Variants in RBFOX1 observed in about 807,000 individuals in gnomAD.
RBFOX1 encodes RNA binding protein fox-1 homolog 1.
A neutral mutation model predicts 57.7 loss-of-function variants in RBFOX1; 8 were observed. The ratio of observed to expected loss-of-function variants is 0.14; its 90% CI spans 0.08 to 0.25. The LOEUF (loss-of-function observed/expected upper bound fraction) is 0.25. Ranked by LOEUF, RBFOX1 falls within the 10% of genes least tolerant of loss-of-function variation. RBFOX1 has a pLI of 1.00. For synonymous variants in RBFOX1, 326 were observed against 222.4 expected (o/e 1.47, Z -4.15); for missense variants, 611 against 548.5 (o/e 1.11, Z -1.14).
intron 1 of RBFOX1, among the ~76,000 whole-genome samples, chr16:6,313,348 A>G (rs1358206272): frequency 1.3e-5 from 2 of 152,208 alleles, no homozygotes; most frequent in African/African-American, 4.8e-5. Flanking sequence ...TGTAAGGGTC[A>G]CACTCCTTGA....
chr16:5,543,519 G>C (rs371560081), intron 2 of RBFOX1, among the ~76,000 whole-genome samples: 6 of 152,176 alleles, frequency 3.9e-5, no homozygotes, highest in Non-Finnish European at 7.4e-5. Context: ...ATGAGAAAAA[G>C]AGAACAGCAT....
intron 3 of RBFOX1, among the ~76,000 whole-genome samples, chr16:7,036,738 AAAAAAAAG>A (rs772673985): frequency 0.11 from 16,281 of 151,436 alleles, 1,125 homozygotes; most frequent in Non-Finnish European, 0.15. Flanking sequence ...AACAAAGAAA[AAAAAAAAG>A]AAAGAATTCA....
intron 4 of RBFOX1, among the ~76,000 whole-genome samples, chr16:7,131,783 C>T (rs1356260621): frequency 6.6e-6 from 1 of 151,900 alleles, no homozygotes; most frequent in African/African-American, 2.4e-5. Flanking sequence ...GATTTGGGGC[C>T]TGTGAATAGT....
chr16:7,333,179 T>C (rs2144478127), intron 4 of RBFOX1: 2 of 1,256,774 alleles, frequency 1.6e-6, no homozygotes, highest in Non-Finnish European at 2.3e-6. Flanking sequence ...CAAACACTTT[T>C]AATACAGGAA....
intron 4 of RBFOX1, among the ~76,000 whole-genome samples, chr16:7,060,096 C>A (rs1159012): frequency 6.6e-6 from 1 of 152,030 alleles, no homozygotes; most frequent in Non-Finnish European, 1.5e-5. Flanking sequence ...AGAATTGATA[C>A]CATAGAGTTA....
chr16:6,009,816 C>CTGTGTCTGTGTGTG (rs1555469442), intron 4 of RBFOX1, among the ~76,000 whole-genome samples: 3 of 148,418 alleles, frequency 2.0e-5, no homozygotes, highest in African/African-American at 7.5e-5. Context: ...GTGTGTGTGT[C>CTGTGTCTGTGTGTG]TGTGTGTGTG....
chr16:7,115,532 T>C (rs1257776543), intron 4 of RBFOX1, among the ~76,000 whole-genome samples: 1 of 152,162 alleles, frequency 6.6e-6, no homozygotes, highest in Non-Finnish European at 1.5e-5. Flanking sequence ...CAAGGCTCTC[T>C]TTGAGGGGGA....
intron 1 of RBFOX1, among the ~76,000 whole-genome samples, chr16:5,365,136 G>A (rs1214981793): frequency 6.6e-6 from 1 of 152,124 alleles, no homozygotes; most frequent in Admixed American, 6.6e-5. Context: ...GCCTGCTGGT[G>A]GACTCCGGAG....
chr16:6,440,494 C>A (rs756846207), intron 2 of RBFOX1, among the ~76,000 whole-genome samples: 11 of 152,044 alleles, frequency 7.2e-5, no homozygotes, highest in African/African-American at 7.2e-5. Flanking sequence ...GACTATATGA[C>A]AAGGGTAGTA....
At chr16:6,225,902 C>G (rs941474665) in intron 1 of RBFOX1, among the ~76,000 whole-genome samples, 1 of 152,128 alleles carries the variant, frequency 6.6e-6, no homozygotes, top group Non-Finnish European at 1.5e-5. Context: ...AACACTGAAG[C>G]CGTGCTTTTT....
At chr16:7,558,247 G>C (rs1013479138) in intron 5 of RBFOX1, among the ~76,000 whole-genome samples, 1 of 152,050 alleles carries the variant, frequency 6.6e-6, no homozygotes, top group African/African-American at 2.4e-5. Context: ...CTAGGTACTC[G>C]AGAGGCTGAG....
chr16:5,835,202 G>T (rs1312186362), intron 3 of RBFOX1, among the ~76,000 whole-genome samples: 1 of 152,184 alleles, frequency 6.6e-6, no homozygotes, highest in Non-Finnish European at 1.5e-5. Flanking sequence ...GGGCTTCCTA[G>T]AAGTGAGGAC....
At chr16:5,843,730 C>A (rs2056683861) in intron 3 of RBFOX1, among the ~76,000 whole-genome samples, 1 of 152,182 alleles carries the variant, frequency 6.6e-6, no homozygotes, top group African/African-American at 2.4e-5. Flanking sequence ...AAATAACTTG[C>A]TCCAAACTAC....
intron 1 of RBFOX1, among the ~76,000 whole-genome samples, chr16:6,185,350 T>C (rs1301471358): frequency 6.6e-6 from 1 of 152,232 alleles, no homozygotes; most frequent in Non-Finnish European, 1.5e-5. Flanking sequence ...GCTTCCCTCC[T>C]GCCCACCTTC....
chr16:7,439,945 C>CTTTTTTTT (rs1223191346), intron 4 of RBFOX1, among the ~76,000 whole-genome samples: 1 of 113,392 alleles, frequency 8.8e-6, no homozygotes, highest in Non-Finnish European at 1.9e-5. Flanking sequence ...CAAATCTTTT[C>CTTTTTTTT]TTTCTTTTTT....
Position 5,825,741 on chromosome 16 carries a change from T to C in RBFOX1, c.319-41562T>C, listed in dbSNP as rs553197600. On this transcript the variant is annotated intron_variant, in intron 3 of 19. Coordinates refer to the RBFOX1 transcript ENST00000641259. ...CACTCCCTGTTTCCTCCTTCCCTTA[T>C]TATTCCTTAATATGAATAAGGAATA... Among the ~76,000 whole-genome samples, 113 of 146,758 alleles carry C rather than the reference T, an allele frequency of 7.7e-4. 1 individual carries two copies. The highest frequency in any genetic ancestry group is 2.7e-3 in the African/African-American group (104 of 38,926).
chr16:5,455,299 G>T (rs1377656010), intron 1 of RBFOX1, among the ~76,000 whole-genome samples: 1 of 151,952 alleles, frequency 6.6e-6, no homozygotes, highest in African/African-American at 2.4e-5. Flanking sequence ...AAGAGGGAGT[G>T]CCCAGAGAGT....
chr16:7,324,022 T>G (rs1322305291), intron 4 of RBFOX1, among the ~76,000 whole-genome samples: 1 of 151,986 alleles, frequency 6.6e-6, no homozygotes, highest in Non-Finnish European at 1.5e-5. Context: ...GTTTTTTGTT[T>G]TGTTTTGTTT....
chr16:5,706,207 G>A lies in RBFOX1; in HGVS notation c.318+107246G>A, dbSNP rs545051886. ...ATTACAGGCGTGGGCCATGGCTCCC[G>A]GCCATGTTGCTTTTTTTCCTATGAT... On this transcript the variant is annotated intron_variant, in intron 3 of 19. Coordinates refer to the RBFOX1 transcript ENST00000641259. Among the ~76,000 whole-genome samples, 208 of 152,264 alleles carry A rather than the reference G, an allele frequency of 1.4e-3. 3 individuals carry two copies. The highest frequency in any genetic ancestry group is 4.6e-3 in the African/African-American group (191 of 41,560).
Sources: allele counts gnomAD v4.1 joint callset (sites outside exome capture counted in the v4.1 genomes callset), GRCh38; gene constraint gnomAD v4.1.1; transcripts MANE v1.5; gene names NCBI Gene and HGNC (gene_info 2026-07-23, HGNC 2026-07-21).